HELZ: variants seen among roughly 807,000 people sequenced by gnomAD.
HELZ encodes the protein helicase with zinc finger.
A neutral mutation model predicts 218.2 loss-of-function variants in HELZ; 23 were observed. That is an observed-to-expected ratio of 0.11 (90% CI 0.08 to 0.15). The LOEUF is 0.15. HELZ is among the 10% of genes least tolerant of loss of function. The pLI is 1.00. For synonymous variants in HELZ, 814 were observed against 829.4 expected, an observed-to-expected ratio of 0.98 and a Z score of 0.32; for missense variants, 1,813 against 2,353.7, an observed-to-expected ratio of 0.77 and a Z score of 4.75.
At chr17:67,195,645 A>G (rs2040003150) in intron 7 of HELZ, among the ~76,000 whole-genome samples, 175 bp from the exon 8 acceptor site, 1 of 152,136 alleles carries the variant, frequency 6.6e-6, no homozygotes, top group African/African-American at 2.4e-5. Flanking sequence ...ATAATTAAAT[A>G]TGGAAAACAT....
At chr17:67,198,629 A>C (rs2040091511) in intron 7 of HELZ, among the ~76,000 whole-genome samples, 1 of 152,258 alleles carries the variant, frequency 6.6e-6, no homozygotes, top group Non-Finnish European at 1.5e-5. Context: ...GTTACTAAAG[A>C]ATATTTACTA....
chr17:67,080,479 A>G (rs1340376934), intron 32 of HELZ, among the ~76,000 whole-genome samples: 1 of 152,186 alleles, frequency 6.6e-6, no homozygotes, highest in Non-Finnish European at 1.5e-5. Context: ...CAGGCAGGTG[A>G]GCCATGCTCA....
chr17:67,197,030 C>T (rs558649892), intron 7 of HELZ, among the ~76,000 whole-genome samples: 1 of 152,126 alleles, frequency 6.6e-6, no homozygotes, highest in Non-Finnish European at 1.5e-5. Context: ...TATCAAGTCA[C>T]CTGTGGGTCT....
rs746199341 is a variant in HELZ at position 67,188,425 on chromosome 17, T to C, written c.1056A>G (p.Ala352=). 1.2e-6 allele frequency: 2 copies of C among 1,613,978 alleles called. No homozygotes were observed. Among genetic ancestry groups the C allele is most frequent in the South Asian group, 2.2e-5 (2 of 91,084 alleles). ...LDHYVYKVGI[A]FNTEIFGTFR... Reference sequence around the variant, plus strand: ...AAGTTCCAAATATTTCTGTGTTAAATGCTATCCCGACTTTATACACGTAAT... The same window carrying C: ...AAGTTCCAAATATTTCTGTGTTAAACGCTATCCCGACTTTATACACGTAAT... The change falls in exon 12 of 33, where the codon GCA becomes GCG. Residue 352 remains alanine (A), a synonymous_variant. Coordinates refer to ENST00000358691, the MANE Select transcript of HELZ (RefSeq NM_014877.4). This position sits in a 1 kb window ranked among gnomAD's most constrained non-coding sequence, Gnocchi z 4.1.
chr17:67,182,182 C>T (rs2039631615), intron 12 of HELZ, among the ~76,000 whole-genome samples: 1 of 152,174 alleles, frequency 6.6e-6, no homozygotes, highest in Admixed American at 6.5e-5. Context: ...TGGCTCATGC[C>T]TGTAATCCCA....
chr17:67,205,371 G>A (rs977989885), intron 5 of HELZ, among the ~76,000 whole-genome samples: 1 of 151,870 alleles, frequency 6.6e-6, no homozygotes, highest in African/African-American at 2.4e-5. Context: ...CTCCTACTAA[G>A]GTATGGATTA....
At chr17:67,141,309 G>A (rs1390375348) in intron 21 of HELZ, among the ~76,000 whole-genome samples, 3 of 152,092 alleles carry the variant, frequency 2.0e-5, no homozygotes. Context: ...CGGCACAAAG[G>A]AGGTAGGTAA....
In HELZ at chr17:67,071,358, A is replaced by G. The variant is rs2035880706; in HGVS notation, c.*6894T>C. The G allele has an allele frequency of 6.6e-6, 1 of 152,412 alleles. No individual in the cohort carries two copies. The highest frequency in any genetic ancestry group is 1.5e-5 in the Non-Finnish European group (1 of 68,038). The allele number at this position is 152,412 out of a possible 1,614,324, so 9.4% of individuals were successfully genotyped here. A position where few individuals can be genotyped will look rare whatever the true frequency, so the allele number is the denominator to read the frequency against. On this transcript the variant is annotated 3_prime_UTR_variant, in exon 33 of 33. Transcript: ENST00000358691. Reference sequence around the variant, plus strand: ...ATAAAGAGGTCTTCGCATACAAGTTATCGTGCAAAGCAAAGTGTAAATAAA... The same window carrying G: ...ATAAAGAGGTCTTCGCATACAAGTTGTCGTGCAAAGCAAAGTGTAAATAAA...
At chr17:67,197,316 A>G (rs1339018267) in intron 7 of HELZ, among the ~76,000 whole-genome samples, 1 of 152,190 alleles carries the variant, frequency 6.6e-6, no homozygotes, top group Admixed American at 6.5e-5. Context: ...CTCCCCAGCC[A>G]CATGGAACTG....
chr17:67,231,592 GAA>G (rs777015874), intron 3 of HELZ, among the ~76,000 whole-genome samples: 5 of 107,418 alleles, frequency 4.7e-5, no homozygotes, highest in Admixed American at 1.0e-4. Context: ...GACTCTGTCG[GAA>G]AAAAAAAAAA....
intron 26 of HELZ, among the ~76,000 whole-genome samples, chr17:67,121,651 T>C (rs555807929): frequency 1.3e-5 from 2 of 152,316 alleles, no homozygotes; most frequent in Admixed American, 6.5e-5. Flanking sequence ...ATGAAAGAAA[T>C]TGTTTCCAAG....
In HELZ at chr17:67,148,002, A is replaced by T. The variant is rs568548041; in HGVS notation, c.2621+567T>A. 2.0e-5 allele frequency among the ~76,000 whole-genome samples: 3 copies of T among 152,322 alleles called. No individual in the cohort carries two copies. In the South Asian group the frequency reaches 6.2e-4, roughly 32 times the overall value. On this transcript the variant is annotated intron_variant, in intron 20 of 32. Coordinates refer to ENST00000358691, the MANE Select transcript of HELZ (RefSeq NM_014877.4). ...AATATCCTTGATAATAAACCAGTAAATGTAAATAACTGTTTCCATGCATTC... is the reference window on the plus strand; with the variant it reads ...AATATCCTTGATAATAAACCAGTAATTGTAAATAACTGTTTCCATGCATTC...
chr17:67,164,213 G>A (rs909591799), intron 15 of HELZ, among the ~76,000 whole-genome samples: 21 of 152,250 alleles, frequency 1.4e-4, no homozygotes, highest in East Asian at 3.9e-4. Context: ...AAATGTTCAC[G>A]AATTAATTGA....
chr17:67,169,687 C>T (rs748094868), intron 13 of HELZ, among the ~76,000 whole-genome samples: 1 of 149,638 alleles, frequency 6.7e-6, no homozygotes, highest in Admixed American at 6.6e-5. Flanking sequence ...ACATTCATTC[C>T]ATCCCAATAG....
intron 5 of HELZ, among the ~76,000 whole-genome samples, chr17:67,212,875 G>A (rs2040494591): frequency 6.6e-6 from 1 of 152,208 alleles, no homozygotes; most frequent in Admixed American, 6.5e-5. Flanking sequence ...GGGTCAAAGG[G>A]TATGAATATA....
chr17:67,130,765 C>A (rs1231958085), intron 23 of HELZ, among the ~76,000 whole-genome samples: 1 of 152,176 alleles, frequency 6.6e-6, no homozygotes, highest in Non-Finnish European at 1.5e-5. Flanking sequence ...AAAGAAAGGT[C>A]TTTTTAGTCT....
At chr17:67,159,917 AAT>A (rs1157105051) in intron 17 of HELZ, among the ~76,000 whole-genome samples, 2 of 152,152 alleles carry the variant, frequency 1.3e-5, no homozygotes, top group African/African-American at 2.4e-5. Flanking sequence ...TGCCATGCAA[AAT>A]ATGTTAGAAT....
At chr17:67,239,375 A>T (rs1334270378) in intron 3 of HELZ, 58 bp downstream of exon 3, 1 of 152,222 alleles carries the variant, frequency 6.6e-6, no homozygotes, top group Non-Finnish European at 1.5e-5. Flanking sequence ...GTCCCACCTT[A>T]TTCTTTCAGG....
At chr17:67,172,731 G>C (rs1213462329) in intron 13 of HELZ, among the ~76,000 whole-genome samples, 1 of 152,054 alleles carries the variant, frequency 6.6e-6, no homozygotes, top group Non-Finnish European at 1.5e-5. Context: ...TCAGCCTCCT[G>C]AGTAGCAGGG....
Sources: allele counts gnomAD v4.1 joint callset (sites outside exome capture counted in the v4.1 genomes callset), GRCh38; gene constraint gnomAD v4.1.1; non-coding constraint Gnocchi (gnomAD v3.1); transcripts MANE v1.5; gene names NCBI Gene and HGNC (gene_info 2026-07-23, HGNC 2026-07-21).